Variants in FAT3 observed in about 807,000 individuals in gnomAD.
FAT3 encodes protocadherin Fat 3.
In FAT3, 95 loss-of-function variants were observed where a neutral mutation model predicts 310.2. The ratio of observed to expected loss-of-function variants is 0.31; its 90% CI spans 0.26 to 0.36. The LOEUF is 0.36. FAT3 is among the 10% of genes least tolerant of loss of function. The pLI is 1.00. For missense variants in FAT3, 5,408 were observed against 5,715.6 expected (o/e 0.95, Z 1.74); for synonymous variants, 2,314 against 2,192.9 (o/e 1.06, Z -1.54).
intron 1 of FAT3, among the ~76,000 whole-genome samples, chr11:92,241,074 G>T (rs996181585): frequency 1.3e-5 from 2 of 152,022 alleles, no homozygotes; most frequent in African/African-American, 4.8e-5. Flanking sequence ...ACATCTCATT[G>T]CTATGCAAAT....
intron 16 of FAT3, 77 bp from the exon 17 acceptor site, chr11:92,837,586 G>A: frequency 5.8e-6 from 9 of 1,545,700 alleles, no homozygotes; most frequent in Non-Finnish European, 7.9e-6. Flanking sequence ...ACAGCCTGTA[G>A]CTCCAGTTCC....
At position 92,774,123 on chromosome 11, in the gene FAT3, G is replaced by T. The variant is rs1469956752; in HGVS notation, c.4278G>T (p.Arg1426Ser). ...CAAAACCTTTGGATGCAGAGCAGAG[G>T]TCCATCTATAATATGAGTGTGGAAG... ...VIAKPLDAEQ[R>S]SIYNMSVEVT... The change falls in exon 7 of 28, where the codon AGG becomes AGT. Residue 1426 changes from arginine to serine, a missense_variant. Physicochemically the swap from Arg to Ser is moderately radical, Grantham distance 110. Coordinates refer to ENST00000525166, the MANE Select transcript of FAT3 (RefSeq NM_001367949.2). The T allele has an allele frequency of 6.2e-7, 1 of 1,613,700 alleles. No homozygotes were observed. Among genetic ancestry groups the T allele is most frequent in the Admixed American group, 1.7e-5 (1 of 59,974 alleles).
At chr11:92,351,998 A>G in intron 1 of FAT3, 98 bp from the exon 2 acceptor site, 1 of 768,760 alleles carries the variant, frequency 1.3e-6, no homozygotes, top group Non-Finnish European at 1.6e-6. Context: ...TTTGTGATAA[A>G]GTTTTAAAAA....
chr11:92,703,786 G>A (rs1358759341), intron 4 of FAT3, among the ~76,000 whole-genome samples: 2 of 152,244 alleles, frequency 1.3e-5, no homozygotes, highest in Non-Finnish European at 2.9e-5. Context: ...TAGAATTAGT[G>A]TGGTTTTCCC....
In FAT3 at chr11:92,485,204, T is replaced by C. The variant is rs1350357803; in HGVS notation, c.3293-39430T>C. On this transcript the variant is annotated intron_variant, in intron 2 of 27. Coordinates refer to ENST00000525166, the MANE Select transcript of FAT3 (RefSeq NM_001367949.2). ...CAGGCCATTATTTAATTTAAACCCC[T>C]GGGAATTCTAGTATTGGTTTATATA... Among the ~76,000 whole-genome samples, 3 of 152,260 alleles carry C rather than the reference T, an allele frequency of 2.0e-5. No homozygotes were observed. In the East Asian group the frequency reaches 5.8e-4, roughly 29 times the overall value.
chr11:92,656,912 T>A (rs963310422), intron 3 of FAT3, among the ~76,000 whole-genome samples: 2 of 151,960 alleles, frequency 1.3e-5, no homozygotes, highest in African/African-American at 4.8e-5. Context: ...TTTTACCACA[T>A]CTTCCCACCC....
chr11:92,702,430 C>T (rs1944127119), intron 4 of FAT3, among the ~76,000 whole-genome samples: 1 of 152,180 alleles, frequency 6.6e-6, no homozygotes, highest in Admixed American at 6.5e-5. Context: ...TCTGCATGAG[C>T]GTTGCCACGT....
intron 2 of FAT3, among the ~76,000 whole-genome samples, chr11:92,440,093 A>T (rs538868011): frequency 6.6e-6 from 1 of 152,148 alleles, no homozygotes; most frequent in East Asian, 1.9e-4. Context: ...GAGGAGGTGG[A>T]TCTGAGTGAG....
intron 3 of FAT3, chr11:92,559,715 A>G (rs1955155235): frequency 1.3e-5 from 2 of 157,206 alleles, no homozygotes; most frequent in African/African-American, 4.8e-5. Context: ...TGTAAGTGGA[A>G]TCACGTAACA....
intron 3 of FAT3, among the ~76,000 whole-genome samples, chr11:92,674,174 C>T (rs1440490089): frequency 2.2e-5 from 3 of 137,424 alleles, no homozygotes; most frequent in Non-Finnish European, 3.1e-5. Flanking sequence ...GAGTGAGACT[C>T]CATCTCAAAA....
chr11:92,471,210 T>C (rs1295227621), intron 2 of FAT3, among the ~76,000 whole-genome samples: 1 of 152,200 alleles, frequency 6.6e-6, no homozygotes, highest in East Asian at 1.9e-4. Context: ...TAGCACACTT[T>C]TATTACTTCC....
chr11:92,801,590 C>G lies in FAT3; in HGVS notation c.8577C>G (p.Pro2859=), dbSNP rs772941815. The change falls in exon 10 of 28, where the codon CCC becomes CCG. Residue 2859 remains proline, a synonymous_variant. Transcript: ENST00000525166. ...ACTCCCTCCACTCGGATTCCCAGCC[C>G]GAAAAGGTAATGGAAGCATTCAATA... ...VTYSLHSDSQ[P]EKVMEAFNID... 3.1e-6 allele frequency: 5 copies of G among 1,611,374 alleles called. No homozygotes were observed. In the East Asian group the frequency reaches 6.7e-5, roughly 22 times the overall value.
intron 3 of FAT3, among the ~76,000 whole-genome samples, chr11:92,647,907 G>A (rs866760307): frequency 6.6e-6 from 1 of 152,068 alleles, no homozygotes; most frequent in African/African-American, 2.4e-5. Flanking sequence ...CAGAATATGT[G>A]CCTGTCTTCA....
chr11:92,563,617 T>C (rs2135477791), intron 3 of FAT3, among the ~76,000 whole-genome samples: 1 of 152,240 alleles, frequency 6.6e-6, no homozygotes, highest in East Asian at 1.9e-4. Flanking sequence ...TTCTCTCGAC[T>C]TATCCTACTT....
At chr11:92,248,562 A>G (rs1244649090) in intron 1 of FAT3, among the ~76,000 whole-genome samples, 1 of 152,154 alleles carries the variant, frequency 6.6e-6, no homozygotes, top group East Asian at 1.9e-4. Flanking sequence ...CTTGCCACCC[A>G]TCAGCACTTT....
At chr11:92,322,878 G>T (rs577195674) in intron 1 of FAT3, among the ~76,000 whole-genome samples, 52 of 151,860 alleles carry the variant, frequency 3.4e-4, no homozygotes, top group Non-Finnish European at 6.5e-4. Flanking sequence ...CATCCATGAG[G>T]GTTACAATTA....
intron 3 of FAT3, among the ~76,000 whole-genome samples, chr11:92,618,030 G>A (rs901896630): frequency 6.6e-6 from 1 of 152,204 alleles, no homozygotes; most frequent in African/African-American, 2.4e-5. Flanking sequence ...GGACGTTTAA[G>A]TCTGCAGAAG....
At chr11:92,423,754 G>C (rs1216519475) in intron 2 of FAT3, among the ~76,000 whole-genome samples, 1 of 152,172 alleles carries the variant, frequency 6.6e-6, no homozygotes, top group African/African-American at 2.4e-5. Context: ...AGGCCAGCAG[G>C]CTGGCCAATC....
At chr11:92,423,239 G>A (rs1950566381) in intron 2 of FAT3, among the ~76,000 whole-genome samples, 1 of 152,134 alleles carries the variant, frequency 6.6e-6, no homozygotes, top group African/African-American at 2.4e-5. Context: ...TGCAAGCTGA[G>A]TTATGACCCT....
Sources: allele counts gnomAD v4.1 joint callset (sites outside exome capture counted in the v4.1 genomes callset), GRCh38; gene constraint gnomAD v4.1.1; transcripts MANE v1.5; gene names NCBI Gene and HGNC (gene_info 2026-07-23, HGNC 2026-07-21).